The following CFAP299 variants were observed in gnomAD, a reference collection of about 807,000 sequenced individuals.
CFAP299 encodes the protein cilia- and flagella-associated protein 299.
A neutral mutation model predicts 27.0 loss-of-function variants in CFAP299; 21 were observed. The ratio of observed to expected loss-of-function variants is 0.78; its 90% confidence interval spans 0.55 to 1.12. The LOEUF (loss-of-function observed/expected upper bound fraction) is 1.12, where lower values mean the gene tolerates loss of function less well. Among genes scored for constraint, CFAP299 ranks in the 50% most tolerant of loss-of-function variants. CFAP299 has a pLI of 0.00. For synonymous variants in CFAP299, 104 were observed against 98.1 expected (o/e 1.06, Z -0.36); for missense variants, 310 against 276.6 (o/e 1.12, Z -0.86).
At chr4:80,394,272 A>G (rs187540495) in intron 2 of CFAP299, among the ~76,000 whole-genome samples, 7 of 151,996 alleles carry the variant, frequency 4.6e-5, no homozygotes, top group African/African-American at 1.7e-4. Flanking sequence ...TCCTTTGACT[A>G]TTTTCTAATG....
At chr4:80,410,367 A>G (rs1200320433) in intron 2 of CFAP299, among the ~76,000 whole-genome samples, 1 of 152,124 alleles carries the variant, frequency 6.6e-6, no homozygotes, top group Non-Finnish European at 1.5e-5. Flanking sequence ...GCAGGGAAAT[A>G]CCCTATATCT....
intron 3 of CFAP299, among the ~76,000 whole-genome samples, chr4:80,693,148 A>C (rs1396070745): frequency 1.3e-5 from 2 of 152,222 alleles, no homozygotes; most frequent in Admixed American, 6.5e-5. Context: ...GCGATTCCTC[A>C]GGGATCTAGA....
chr4:80,893,107 A>T (rs1456805953), intron 4 of CFAP299, among the ~76,000 whole-genome samples: 1 of 151,902 alleles, frequency 6.6e-6, no homozygotes, highest in African/African-American at 2.4e-5. Context: ...TCTAAAGAAG[A>T]AATTTAAGAA....
chr4:80,642,752 G>T (rs959546514), intron 3 of CFAP299, among the ~76,000 whole-genome samples: 1 of 152,144 alleles, frequency 6.6e-6, no homozygotes, highest in Non-Finnish European at 1.5e-5. Context: ...GACAGAGCCA[G>T]ATTCCGTCTC....
intron 3 of CFAP299, among the ~76,000 whole-genome samples, chr4:80,703,402 C>T (rs182827411): frequency 6.6e-6 from 1 of 151,644 alleles, no homozygotes; most frequent in Non-Finnish European, 1.5e-5. Context: ...AGAATACTAG[C>T]ATCTTTCTTG....
At chr4:80,862,096 G>A (rs1400463307) in intron 3 of CFAP299, among the ~76,000 whole-genome samples, 7 of 152,110 alleles carry the variant, frequency 4.6e-5, no homozygotes, top group Non-Finnish European at 1.0e-4. Context: ...TTAGTCAGGT[G>A]CAGTGGTTCA....
chr4:80,324,530 A>G, the CFAP299 span, among the ~76,000 whole-genome samples: 1 of 152,218 alleles, frequency 6.6e-6, no homozygotes, highest in South Asian at 2.1e-4. Context: ...ATTGATAGGC[A>G]TGCGTCTAGA....
rs943144216 is a variant in CFAP299, at chr4:80,857,271, G to C, written c.334-12722G>C. 1.4e-4 allele frequency among the ~76,000 whole-genome samples: 22 copies of C among 152,216 alleles called. 1 individual carries two copies. The highest frequency in any genetic ancestry group is 3.1e-4 in the African/African-American group (13 of 41,558). On this transcript the variant is annotated intron_variant, in intron 3 of 5. Coordinates refer to ENST00000358105, the MANE Select transcript of CFAP299 (RefSeq NM_152770.3). ...ATTGATTTTGTATCCTGAGACTTTG[G>C]TGAAGTTGCTTATCAGCTTAAGGAG...
chr4:80,947,806 T>C (rs753861965), intron 5 of CFAP299, among the ~76,000 whole-genome samples: 1 of 152,196 alleles, frequency 6.6e-6, no homozygotes, highest in African/African-American at 2.4e-5. Context: ...TCTTAACTTA[T>C]TCTTTCTTCA....
chr4:80,891,789 TA>T (rs1355453928), intron 4 of CFAP299, among the ~76,000 whole-genome samples: 7,528 of 34,914 alleles, frequency 0.22, 427 homozygotes, highest in Middle Eastern at 0.35. Context: ...AAAAAAAAAA[TA>T]AAAAAAAAAA....
intron 3 of CFAP299, among the ~76,000 whole-genome samples, chr4:80,808,166 G>A (rs144417233): frequency 2.1e-4 from 32 of 152,062 alleles, no homozygotes; most frequent in African/African-American, 7.0e-4. Flanking sequence ...TTTTGATACC[G>A]AAATAGTGAA....
chr4:80,738,531 C>G (rs959868493), intron 3 of CFAP299, among the ~76,000 whole-genome samples: 4 of 151,870 alleles, frequency 2.6e-5, no homozygotes, highest in African/African-American at 9.7e-5. Context: ...TCTGTTTTGT[C>G]TGGTATAAGG....
chr4:80,869,842 A>G, intron 3 of CFAP299, 151 bp from the exon 4 acceptor site: 1 of 685,454 alleles, frequency 1.5e-6, no homozygotes, highest in South Asian at 2.9e-5. Flanking sequence ...CAGTGGGGAA[A>G]AAGAAGCTGT....
chr4:80,929,591 C>T (rs536107234), intron 4 of CFAP299, among the ~76,000 whole-genome samples: 45 of 152,278 alleles, frequency 3.0e-4, no homozygotes, highest in African/African-American at 1.1e-3. Flanking sequence ...ATCTCATTTT[C>T]TCCAACTCCA....
intron 1 of CFAP299, among the ~76,000 whole-genome samples, chr4:80,350,614 T>C (rs913521838): frequency 2.0e-5 from 3 of 152,168 alleles, no homozygotes; most frequent in Non-Finnish European, 2.9e-5. Flanking sequence ...TACAAAACAA[T>C]GAGTTCATGT....
chr4:80,900,017 A>G (rs1734806748), intron 4 of CFAP299, among the ~76,000 whole-genome samples: 1 of 152,098 alleles, frequency 6.6e-6, no homozygotes. Flanking sequence ...GTCAGAGAAA[A>G]ACCCTATTGT....
At chr4:80,844,803 G>T (rs1323951446) in intron 3 of CFAP299, among the ~76,000 whole-genome samples, 1 of 152,088 alleles carries the variant, frequency 6.6e-6, no homozygotes, top group Admixed American at 6.6e-5. Context: ...CATTGCTTTT[G>T]GTGTTTTAGA....
chr4:80,510,408 G>T (rs1416315944), intron 2 of CFAP299, among the ~76,000 whole-genome samples: 1 of 152,120 alleles, frequency 6.6e-6, no homozygotes, highest in African/African-American at 2.4e-5. Flanking sequence ...GAAGTAAAAA[G>T]TGGATTCCTT....
chr4:80,680,147 A>T (rs571381345), intron 3 of CFAP299, among the ~76,000 whole-genome samples: 2 of 152,138 alleles, frequency 1.3e-5, no homozygotes, highest in East Asian at 1.9e-4. Context: ...ACTCTCATTT[A>T]AAAAAATTGC....
Sources: allele counts gnomAD v4.1 joint callset (sites outside exome capture counted in the v4.1 genomes callset), GRCh38; gene constraint gnomAD v4.1.1; transcripts MANE v1.5; gene names NCBI Gene and HGNC (gene_info 2026-07-23, HGNC 2026-07-21).